Variants in UFL1 observed in about 807,000 individuals in gnomAD.
UFL1 encodes the protein E3 UFM1-protein ligase 1.
A neutral mutation model predicts 99.3 loss-of-function variants in UFL1; 78 were observed. That is an observed-to-expected ratio of 0.79 (90% CI 0.65 to 0.95). The LOEUF is 0.95. UFL1 is among the 40% of genes least tolerant of loss of function. UFL1 has a pLI of 0.00. For synonymous variants in UFL1, 335 were observed against 322.2 expected (o/e 1.04, Z -0.42); for missense variants, 936 against 937.0 (o/e 1.00, Z 0.01).
Position 96,551,070 on chromosome 6 carries a change from A to G in UFL1, c.1819-363A>G, listed in dbSNP as rs550215641. ...GAGCTCAGCCTCCCATCTTGTAGGCATCCTTGATCTTTATGAGTGGGGCCC... is the reference window on the plus strand; with the variant it reads ...GAGCTCAGCCTCCCATCTTGTAGGCGTCCTTGATCTTTATGAGTGGGGCCC... On this transcript the variant is annotated intron_variant, in intron 15 of 18. Transcript: ENST00000369278. 1.0e-3 allele frequency among the ~76,000 whole-genome samples: 156 copies of G among 152,120 alleles called. 2 individuals carry two copies. The highest frequency in any genetic ancestry group is 2.8e-4 in the Non-Finnish European group (19 of 67,942).
At chr6:96,542,480 A>G (rs1178501513) in intron 11 of UFL1, among the ~76,000 whole-genome samples, 1 of 151,304 alleles carries the variant, frequency 6.6e-6, no homozygotes, top group Non-Finnish European at 1.5e-5. Context: ...TAAATTTGTG[A>G]AGTCTTATAA....
chr6:96,530,464 A>G (rs2127949734), intron 6 of UFL1, among the ~76,000 whole-genome samples: 1 of 152,300 alleles, frequency 6.6e-6, no homozygotes, highest in South Asian at 2.1e-4. Context: ...TTTCCTTTGT[A>G]ACTAATAAGT....
In UFL1 at chr6:96,542,873, C is replaced by G. The variant is rs767805464; in HGVS notation, c.1280-21C>G. On this transcript the variant is annotated intron_variant, in intron 11 of 18. Transcript: ENST00000369278. ...TGATGATTTAGTTAGGTAATGCTAA[C>G]TAATGTCATTTTCCCACCAGAGGGC... The G allele has an allele frequency of 7.7e-6, 12 of 1,549,422 alleles. No homozygotes were observed. In the East Asian group the frequency reaches 2.6e-4, roughly 34 times the overall value.
intron 18 of UFL1, 126 bp downstream of exon 18, chr6:96,552,788 A>C (rs774774470): frequency 3.2e-5 from 27 of 830,806 alleles, no homozygotes; most frequent in Non-Finnish European, 4.2e-5. Context: ...CATTTCCAAT[A>C]ATGTGAACAG....
At chr6:96,529,978 G>T (rs1018530869) in intron 6 of UFL1, among the ~76,000 whole-genome samples, 2 of 152,150 alleles carry the variant, frequency 1.3e-5, no homozygotes, top group Non-Finnish European at 2.9e-5. Flanking sequence ...ATAGAAAGGG[G>T]CATCATCCTA....
rs565118709 is a variant in UFL1 at position 96,527,669 on chromosome 6, T to TA, written c.466-832dup. On this transcript the variant is annotated intron_variant, in intron 5 of 18. Coordinates refer to ENST00000369278, the MANE Select transcript of UFL1 (RefSeq NM_015323.5). ...CAGGACAAAAAATATATTTTTAAAA[T>TA]ACTTCTTTAAAGTATCCAGCTCAAA... 4.5e-3 allele frequency among the ~76,000 whole-genome samples: 693 copies of TA among 152,312 alleles called. 4 individuals are homozygous for TA. The highest frequency in any genetic ancestry group is 0.016 in the African/African-American group (658 of 41,580).
chr6:96,538,555 A>C (rs1047671621), intron 9 of UFL1, 76 bp from the exon 10 acceptor site: 2 of 1,353,794 alleles, frequency 1.5e-6, no homozygotes, highest in Admixed American at 4.1e-5. Context: ...TAGAGAGAGC[A>C]TATATGTATA....
chr6:96,540,296 T>G (rs1769912704), intron 10 of UFL1, among the ~76,000 whole-genome samples: 1 of 151,378 alleles, frequency 6.6e-6, no homozygotes, highest in South Asian at 2.1e-4. Flanking sequence ...AGTTGTGAAG[T>G]GACAAGATAG....
chr6:96,543,566 C>T lies in UFL1; in HGVS notation c.1402+550C>T, dbSNP rs1769959946. On this transcript the variant is annotated intron_variant, in intron 12 of 18. Coordinates refer to ENST00000369278, the MANE Select transcript of UFL1 (RefSeq NM_015323.5). ...ATAAATGGAGTTATAGAGGGAATGG[C>T]TGACTGTGGGAATGTTGACACTGCC... is the stretch of plus-strand genomic sequence containing the variant. Among the ~76,000 whole-genome samples the T allele has an allele frequency of 2.0e-5, 3 of 151,080 alleles. No individual in the cohort carries two copies. The Admixed American group carries it at 2.0e-4, about 10-fold the overall frequency.
Position 96,551,874 on chromosome 6 carries a change from G to A in UFL1, c.1936G>A (p.Ala646Thr). Residue 646 changes from alanine (A) to threonine (T), a missense_variant, in exon 17 of 19, where the codon GCA becomes ACA. Transcript: ENST00000369278. ...EDFISCLDSA[A>T]EACDIMVKRG... is the part of the protein sequence containing the mutation. ...CTTTATTTCTTGTCTGGATTCTGCA[G>A]CAGAAGCTTGTGATATTATGGTGAA... 1 of 1,608,870 alleles carries A rather than the reference G, an allele frequency of 6.2e-7. No homozygotes were observed. The highest frequency in any genetic ancestry group is 8.5e-7 in the Non-Finnish European group (1 of 1,177,002).
In UFL1 at chr6:96,536,329, C is replaced by T. The variant is rs1478734847; in HGVS notation, c.741C>T (p.Asp247=). 6.2e-7 allele frequency: 1 copy of T among 1,611,650 alleles called. No homozygotes were observed. The highest frequency in any genetic ancestry group is 8.5e-7 in the Non-Finnish European group (1 of 1,178,430). Residue 247 remains aspartate (D), a synonymous_variant, in exon 8 of 19, where the codon GAC becomes GAT. Coordinates refer to ENST00000369278, the MANE Select transcript of UFL1 (RefSeq NM_015323.5). ...AGGATAAAGCTGTGTTTGTCCCTGA[C>T]ATCTACTCCAGGACACAGAGTACTT... is the stretch of plus-strand genomic sequence containing the variant. The part of the protein sequence containing the change: ...GRQDKAVFVP[D]IYSRTQSTWV...
rs769347640 is a variant in UFL1 at position 96,542,977 on chromosome 6, G to C, written c.1363G>C (p.Asp455His). Residue 455 changes from aspartate to histidine, a missense_variant, in exon 12 of 19, where the codon GAT becomes CAT. By Grantham distance (81) the Asp-to-His change is moderately conservative. Coordinates refer to ENST00000369278, the MANE Select transcript of UFL1 (RefSeq NM_015323.5). The stretch of plus-strand genomic sequence containing the variant: ...AAAAGTCAAGAAGAAAGGAAGAAAA[G>C]ATGATGATAGTGATGATGAATCTCA... ...IKKVKKKGRK[D>H]DDSDDESQSS... The C allele has an allele frequency of 6.3e-7, 1 of 1,598,008 alleles. No individual in the cohort carries two copies. The highest frequency in any genetic ancestry group is 8.5e-7 in the Non-Finnish European group (1 of 1,171,738).
chr6:96,522,631 T>C (rs1263241853), intron 1 of UFL1, among the ~76,000 whole-genome samples: 4 of 152,198 alleles, frequency 2.6e-5, no homozygotes, highest in Admixed American at 6.5e-5. Flanking sequence ...CTGTATTTTC[T>C]ACCACTGATA....
At chr6:96,529,179 G>C (rs924992800) in intron 6 of UFL1, among the ~76,000 whole-genome samples, 6 of 152,172 alleles carry the variant, frequency 3.9e-5, no homozygotes, top group African/African-American at 1.4e-4. Flanking sequence ...ATTTGGGTCT[G>C]TGTGACAGAC....
chr6:96,547,677 A>T (rs779350339), intron 12 of UFL1, among the ~76,000 whole-genome samples: 2 of 151,616 alleles, frequency 1.3e-5, no homozygotes, highest in Non-Finnish European at 3.0e-5. Flanking sequence ...ACGTGGTTGG[A>T]ACTTGAGGCC....
intron 4 of UFL1, 35 bp downstream of exon 4, chr6:96,525,429 T>C (rs758063251): frequency 2.7e-6 from 4 of 1,500,076 alleles, no homozygotes; most frequent in South Asian, 2.4e-5. Flanking sequence ...AAGAGCACTT[T>C]GTTTATTTTC....
intron 4 of UFL1, among the ~76,000 whole-genome samples, chr6:96,525,975 A>G (rs559203773): frequency 6.6e-6 from 1 of 152,098 alleles, no homozygotes. Flanking sequence ...AGTCCCAGCT[A>G]CTCAGGAGGC....
At chr6:96,531,566 A>G (rs1769783306) in intron 6 of UFL1, among the ~76,000 whole-genome samples, 1 of 152,118 alleles carries the variant, frequency 6.6e-6, no homozygotes, top group South Asian at 2.1e-4. Context: ...CCCTCCTAAC[A>G]CAAGAAATGG....
chr6:96,532,985 A>G (rs1416247492), intron 6 of UFL1, among the ~76,000 whole-genome samples: 2 of 152,156 alleles, frequency 1.3e-5, no homozygotes, highest in African/African-American at 2.4e-5. Flanking sequence ...ATTTTCATAC[A>G]ACTGTTTCTG....
Sources: allele counts gnomAD v4.1 joint callset (sites outside exome capture counted in the v4.1 genomes callset), GRCh38; gene constraint gnomAD v4.1.1; transcripts MANE v1.5; gene names NCBI Gene and HGNC (gene_info 2026-07-23, HGNC 2026-07-21).